Variants in FRK observed in about 807,000 individuals in gnomAD.
FRK encodes fyn related Src family tyrosine kinase.
Under a neutral mutation model 56.4 loss-of-function variants are expected in FRK, and 51 were observed. The observed-to-expected ratio is 0.90, with a 90% CI of 0.72 to 1.14. The LOEUF (loss-of-function observed/expected upper bound fraction) is 1.14. FRK is among the 50% of genes most tolerant of loss of function. The pLI, the probability that FRK is intolerant of heterozygous loss-of-function variation, is 0.00. For missense variants in FRK, 570 were observed against 601.4 expected, an observed-to-expected ratio of 0.95 and a Z score of 0.55; for synonymous variants, 245 against 217.9, an observed-to-expected ratio of 1.12 and a Z score of -1.10.
At chr6:116,097,679 G>A in the FRK span, among the ~76,000 whole-genome samples, 1 of 152,234 alleles carries the variant, frequency 6.6e-6, no homozygotes, top group East Asian at 1.9e-4. Flanking sequence ...AAAATCGGCT[G>A]TAATATAACT....
At chr6:116,083,616 C>T in the FRK span, among the ~76,000 whole-genome samples, 1 of 152,180 alleles carries the variant, frequency 6.6e-6, no homozygotes, top group East Asian at 1.9e-4. Context: ...GATTGCTGGG[C>T]CCGACCTCCA....
chr6:116,046,634 G>T (rs1776973977), intron 1 of FRK, among the ~76,000 whole-genome samples: 1 of 152,104 alleles, frequency 6.6e-6, no homozygotes, highest in South Asian at 2.1e-4. Flanking sequence ...CCTGCAGGGG[G>T]GTAGGGGGCT....
upstream of FRK, among the ~76,000 whole-genome samples, chr6:116,065,374 A>G (rs1017277658): frequency 1.3e-5 from 2 of 152,162 alleles, no homozygotes; most frequent in African/African-American, 4.8e-5. Context: ...TGGCCTAGGG[A>G]GCCATAAAAA....
At chr6:116,022,589 A>G (rs1327252953) in intron 1 of FRK, among the ~76,000 whole-genome samples, 1 of 152,146 alleles carries the variant, frequency 6.6e-6, no homozygotes, top group Non-Finnish European at 1.5e-5. Flanking sequence ...AATCTTTTTG[A>G]AAAAGTCAAC....
chr6:115,968,438 G>A, intron 3 of FRK, 138 bp downstream of exon 3: 1 of 790,658 alleles, frequency 1.3e-6, no homozygotes, highest in Non-Finnish European at 2.1e-6. Flanking sequence ...GAGCTCATAG[G>A]CCATGGTTTG....
intron 1 of FRK, among the ~76,000 whole-genome samples, chr6:116,051,194 A>G (rs958671867): frequency 6.6e-6 from 1 of 152,184 alleles, no homozygotes; most frequent in Non-Finnish European, 1.5e-5. Context: ...TACCTAGTAT[A>G]AAGTTCAAAC....
the FRK span, among the ~76,000 whole-genome samples, chr6:116,099,855 A>G: frequency 6.6e-6 from 1 of 152,224 alleles, no homozygotes; most frequent in South Asian, 2.1e-4. Flanking sequence ...TTGAGAACTG[A>G]AGCAGTGTAA....
At chr6:116,067,772 G>T in the FRK span, among the ~76,000 whole-genome samples, 2 of 152,070 alleles carry the variant, frequency 1.3e-5, no homozygotes, top group Admixed American at 1.3e-4. Flanking sequence ...TATCTCTAAA[G>T]ATTATTTTAT....
Position 116,059,400 on chromosome 6 carries a change from G to A in FRK, c.344+568C>T, listed in dbSNP as rs114130104. ...ATTTGGGTAGCATATCTCAGGATCT[G>A]GGAATTAAAAAAAAATCTATATCAT... On this transcript the variant is annotated intron_variant, in intron 1 of 7. Coordinates refer to ENST00000606080, the MANE Select transcript of FRK (RefSeq NM_002031.3). 3.3e-3 allele frequency among the ~76,000 whole-genome samples: 494 copies of A among 151,840 alleles called. 6 individuals carry two copies. Among genetic ancestry groups the A allele is most frequent in the African/African-American group, 0.012 (478 of 41,370 alleles).
At chr6:115,953,548 C>T (rs1234085396) in intron 5 of FRK, among the ~76,000 whole-genome samples, 2 of 152,168 alleles carry the variant, frequency 1.3e-5, no homozygotes, top group Admixed American at 1.3e-4. Context: ...CTGCAGTGAG[C>T]ATTTGTTCAT....
chr6:115,949,394 C>G (rs1772614182), intron 5 of FRK, among the ~76,000 whole-genome samples: 1 of 152,078 alleles, frequency 6.6e-6, no homozygotes, highest in South Asian at 2.1e-4. Context: ...AGCTTTTGTC[C>G]AGTCAGTATG....
At chr6:116,075,257 T>A in the FRK span, among the ~76,000 whole-genome samples, 1 of 152,124 alleles carries the variant, frequency 6.6e-6, no homozygotes, top group Non-Finnish European at 1.5e-5. Flanking sequence ...TGAGTAAGTA[T>A]TTCTTTTTAA....
At chr6:115,996,281 T>C (rs3798232) in intron 2 of FRK, among the ~76,000 whole-genome samples, 51,978 of 151,970 alleles carry the variant, frequency 0.34, 11,329 homozygotes, top group East Asian at 0.78. Context: ...GAATGAAGAA[T>C]GAATGAATGG....
chr6:116,082,670 T>C, the FRK span, among the ~76,000 whole-genome samples: 1 of 152,186 alleles, frequency 6.6e-6, no homozygotes, highest in African/African-American at 2.4e-5. Flanking sequence ...TTCTATTAAC[T>C]AGCTCAGGAA....
chr6:116,013,118 A>G (rs576585014), intron 1 of FRK, among the ~76,000 whole-genome samples: 2 of 152,226 alleles, frequency 1.3e-5, no homozygotes, highest in East Asian at 3.9e-4. Context: ...AGAAATTTTG[A>G]AGGAATTTCT....
chr6:115,990,388 T>C (rs1474375754), intron 2 of FRK, among the ~76,000 whole-genome samples: 1 of 151,946 alleles, frequency 6.6e-6, no homozygotes, highest in East Asian at 1.9e-4. Flanking sequence ...TAGGTTTTCC[T>C]ATAGGACTTT....
intron 5 of FRK, among the ~76,000 whole-genome samples, chr6:115,955,788 C>A (rs1408784774): frequency 6.6e-6 from 1 of 152,164 alleles, no homozygotes; most frequent in African/African-American, 2.4e-5. Flanking sequence ...AATACTTGAT[C>A]TCACCTTCTT....
chr6:116,092,377 C>T, the FRK span, among the ~76,000 whole-genome samples: 1 of 152,176 alleles, frequency 6.6e-6, no homozygotes, highest in African/African-American at 2.4e-5. Flanking sequence ...TATGGCCCTC[C>T]ACTTCATTTT....
chr6:116,013,319 T>G (rs1775540333), intron 1 of FRK, among the ~76,000 whole-genome samples: 1 of 152,164 alleles, frequency 6.6e-6, no homozygotes, highest in Non-Finnish European at 1.5e-5. Flanking sequence ...GCACTTTTTT[T>G]GTTTCAAAAC....
Sources: gnomAD v4.1 joint callset for allele counts (sites outside exome capture counted in the v4.1 genomes callset) on GRCh38, gnomAD v4.1.1 for gene constraint, MANE v1.5 for transcripts, NCBI Gene and HGNC (gene_info 2026-07-23, HGNC 2026-07-21) for gene names.